ZNF516: variants seen among roughly 807,000 people sequenced by gnomAD.
ZNF516 encodes the protein zinc finger protein 516.
In ZNF516, 19 loss-of-function variants were observed where a neutral mutation model predicts 79.7. The ratio of observed to expected loss-of-function variants is 0.24; its 90% CI spans 0.17 to 0.35. ZNF516 has a LOEUF of 0.35. Among genes scored for constraint, ZNF516 ranks in the 10% least tolerant of loss-of-function variants. The probability of loss-of-function intolerance (pLI) is 1.00; values close to 1 mark genes in which losing one functional copy is unlikely to be tolerated. For missense variants in ZNF516, 1,678 were observed against 1,679.5 expected, an observed-to-expected ratio of 1.00 and a Z score of 0.02; for synonymous variants, 877 against 739.5, an observed-to-expected ratio of 1.19 and a Z score of -3.02.
At chr18:76,369,609 TC>T (rs1434139692) in intron 6 of ZNF516, among the ~76,000 whole-genome samples, 1 of 152,066 alleles carries the variant, frequency 6.6e-6, no homozygotes, top group Non-Finnish European at 1.5e-5. Context: ...AGTCTTGAGA[TC>T]CCTTGGAGGT....
chr18:76,437,357 G>A (rs1467426645), intron 3 of ZNF516, among the ~76,000 whole-genome samples: 1 of 152,176 alleles, frequency 6.6e-6, no homozygotes, highest in African/African-American at 2.4e-5. Flanking sequence ...GCGGCAGGGA[G>A]GCAGCCAGCG....
At chr18:76,490,716 C>T (rs1915125954) in intron 1 of ZNF516, 1 of 954,928 alleles carries the variant, frequency 1.0e-6, no homozygotes, top group South Asian at 4.8e-5. Flanking sequence ...GGCAGGCTGA[C>T]GGGGGCAATG....
At chr18:76,402,954 T>TACA (rs374708748) in intron 3 of ZNF516, among the ~76,000 whole-genome samples, 10 of 152,336 alleles carry the variant, frequency 6.6e-5, no homozygotes, top group African/African-American at 2.4e-4. Context: ...TAGTCGAAGC[T>TACA]ACAGGGCTGA....
chr18:76,491,553 C>CGGGGGGCG (rs1915217195), intron 1 of ZNF516: 1 of 145,136 alleles, frequency 6.9e-6, no homozygotes, highest in Non-Finnish European at 1.5e-5. Context: ...GGGCGGGGGG[C>CGGGGGGCG]GGGGGGCGGG....
intron 1 of ZNF516, among the ~76,000 whole-genome samples, chr18:76,471,660 C>T (rs1040295597): frequency 2.7e-4 from 41 of 152,302 alleles, no homozygotes; most frequent in Non-Finnish European, 4.4e-4. Context: ...CACTAGATCC[C>T]GTCACGCTAG....
chr18:76,420,131 G>C (rs2075487700), intron 3 of ZNF516, among the ~76,000 whole-genome samples: 1 of 152,210 alleles, frequency 6.6e-6, no homozygotes, highest in East Asian at 1.9e-4. Flanking sequence ...TTTCACTGTT[G>C]GTAGTCAATT....
intron 3 of ZNF516, among the ~76,000 whole-genome samples, chr18:76,411,920 C>CA (rs1273118642): frequency 6.6e-6 from 1 of 152,176 alleles, no homozygotes; most frequent in Non-Finnish European, 1.5e-5. Context: ...AGAAAACTAG[C>CA]AAAGCACATA....
At chr18:76,470,563 T>A (rs1385618068) in intron 1 of ZNF516, among the ~76,000 whole-genome samples, 1 of 152,218 alleles carries the variant, frequency 6.6e-6, no homozygotes, top group Non-Finnish European at 1.5e-5. Flanking sequence ...GCTCTCTGGT[T>A]TATTCTGAGA....
intron 4 of ZNF516, among the ~76,000 whole-genome samples, chr18:76,375,594 GGTCCTGGGGACCAGGTCTCCT>G (rs112479383): frequency 0.15 from 22,726 of 149,916 alleles, 2,015 homozygotes; most frequent in Non-Finnish European, 0.2. Context: ...GGACCCAGAA[GGTCCTGGGGACCAGGTCTCCT>G]GTCCTGGGAG....
chr18:76,462,584 A>G (rs1185567233), intron 2 of ZNF516, among the ~76,000 whole-genome samples: 6 of 152,234 alleles, frequency 3.9e-5, no homozygotes, highest in Non-Finnish European at 7.3e-5. Flanking sequence ...CCCAGAAGAG[A>G]AGAGAGCTGT....
At chr18:76,494,193 A>T (rs889194760) in intron 1 of ZNF516, among the ~76,000 whole-genome samples, 9 of 152,174 alleles carry the variant, frequency 5.9e-5, no homozygotes, top group African/African-American at 2.2e-4. Context: ...TAACAAACTT[A>T]TTCATACAAA....
chr18:76,484,668 A>G (rs1914727348), intron 1 of ZNF516, among the ~76,000 whole-genome samples: 1 of 152,186 alleles, frequency 6.6e-6, no homozygotes, highest in Non-Finnish European at 1.5e-5. Context: ...CGGCCCCCTT[A>G]ATGTTCACAG....
upstream of ZNF516, chr18:76,496,153 GGCGGGCGC>G (rs1349636856): frequency 8.5e-4 from 644 of 762,016 alleles, no homozygotes; most frequent in Non-Finnish European, 1.0e-3. Context: ...GGGAGGGGAG[GGCGGGCGC>G]GCGGGGGCGG....
intron 4 of ZNF516, 102 bp from the exon 5 acceptor site, chr18:76,371,673 T>A: frequency 4.5e-6 from 4 of 886,726 alleles, no homozygotes; most frequent in Non-Finnish European, 7.1e-6. Context: ...ACATCATTAG[T>A]CTGTCTAATG....
intron 3 of ZNF516, among the ~76,000 whole-genome samples, chr18:76,414,896 T>C (rs1157892342): frequency 2.6e-5 from 4 of 152,254 alleles, no homozygotes; most frequent in Admixed American, 2.6e-4. Context: ...TGGGTTCTAA[T>C]ACAAAAAAAT....
intron 1 of ZNF516, among the ~76,000 whole-genome samples, chr18:76,476,992 A>G (rs998385479): frequency 6.6e-6 from 1 of 152,042 alleles, no homozygotes; most frequent in African/African-American, 2.4e-5. Context: ...TCCACTAACA[A>G]ACAGTCGTCC....
At chr18:76,485,873 A>G (rs1200156669) in intron 1 of ZNF516, among the ~76,000 whole-genome samples, 1 of 151,610 alleles carries the variant, frequency 6.6e-6, no homozygotes. Context: ...TTCTTTAAAA[A>G]AAAAAAAAAA....
chr18:76,399,022 C>T lies in ZNF516; in HGVS notation c.1811-18719G>A, dbSNP rs548322380. Among the ~76,000 whole-genome samples, 103 of 152,294 alleles carry T rather than the reference C, an allele frequency of 6.8e-4. 1 individual carries two copies. The highest frequency in any genetic ancestry group is 2.3e-3 in the African/African-American group (94 of 41,560). Reference sequence around the variant, plus strand: ...TCATAACACAAGCGGTCTCTGTCCTCCGTGACAGAGGAAGGCGGATTTCCC... The same window carrying T: ...TCATAACACAAGCGGTCTCTGTCCTTCGTGACAGAGGAAGGCGGATTTCCC... On this transcript the variant is annotated intron_variant, in intron 3 of 6. Coordinates refer to ENST00000443185, the MANE Select transcript of ZNF516 (RefSeq NM_014643.4).
At chr18:76,445,366 G>C (rs1050610725) in intron 2 of ZNF516, among the ~76,000 whole-genome samples, 5 of 152,102 alleles carry the variant, frequency 3.3e-5, no homozygotes, top group African/African-American at 1.2e-4. Flanking sequence ...TAATTTAAAT[G>C]ATTTTGGTCT....
Sources: gnomAD v4.1 joint callset for allele counts (sites outside exome capture counted in the v4.1 genomes callset) on GRCh38, gnomAD v4.1.1 for gene constraint, MANE v1.5 for transcripts, NCBI Gene and HGNC (gene_info 2026-07-23, HGNC 2026-07-21) for gene names.